Variants in KCNV1 observed in about 807,000 individuals in gnomAD.
KCNV1 encodes potassium voltage-gated channel modifier subfamily V member 1.
A neutral mutation model predicts 36.4 loss-of-function variants in KCNV1; 2 were observed. The ratio of observed to expected loss-of-function variants is 0.05; its 90% CI spans 0.02 to 0.17. The LOEUF is 0.17. Among genes scored for constraint, KCNV1 ranks in the 10% least tolerant of loss-of-function variants. The probability of loss-of-function intolerance (pLI) is 1.00; values close to 1 mark genes in which losing one functional copy is unlikely to be tolerated. For synonymous variants in KCNV1, 280 were observed against 261.1 expected, an observed-to-expected ratio of 1.07 and a Z score of -0.70; for missense variants, 321 against 643.6, an observed-to-expected ratio of 0.50 and a Z score of 5.42.
At chr8:109,973,689 G>A (rs1340775371) in intron 2 of KCNV1, among the ~76,000 whole-genome samples, 3 of 152,106 alleles carry the variant, frequency 2.0e-5, no homozygotes, top group African/African-American at 7.2e-5. Context: ...TGCCTTATAC[G>A]TTAAATTAGC....
chr8:109,970,366 T>C (rs929156293), intron 3 of KCNV1, among the ~76,000 whole-genome samples: 4 of 152,226 alleles, frequency 2.6e-5, no homozygotes, highest in African/African-American at 9.6e-5. Context: ...AAAACAATTT[T>C]GTAAAGGAAA....
rs1240877969 is a variant in KCNV1 at position 109,965,315 on chromosome 8, T to C, written c.*2773A>G. On this transcript the variant is annotated 3_prime_UTR_variant, in exon 4 of 4. Coordinates refer to ENST00000524391, the MANE Select transcript of KCNV1 (RefSeq NM_014379.4). ...TTTTAAAAAATTAAATATTGTTTTA[T>C]AACAATAATTCTTAGATGTTTAAAA... 1 of 152,222 alleles carries C rather than the reference T, an allele frequency of 6.6e-6. No individual in the cohort carries two copies. Among genetic ancestry groups the C allele is most frequent in the Non-Finnish European group, 1.5e-5 (1 of 68,040 alleles). The allele number at this position is 152,222 out of a possible 1,614,324, so 9.4% of individuals were successfully genotyped here. A position where few individuals can be genotyped will look rare whatever the true frequency, so the allele number is the denominator to read the frequency against.
rs1219247797 is a variant in KCNV1, at chr8:109,964,226, C to T, written c.*3862G>A. On this transcript the variant is annotated 3_prime_UTR_variant, in exon 4 of 4. Transcript: ENST00000524391. Reference sequence around the variant, plus strand: ...TTTTCAAAAGAAAACATACATGCAGCCAACAATGATATGAAAAAAAGCCTC... The same window carrying T: ...TTTTCAAAAGAAAACATACATGCAGTCAACAATGATATGAAAAAAAGCCTC... The T allele has an allele frequency of 6.6e-6, 1 of 151,760 alleles. No homozygotes were observed. The highest frequency in any genetic ancestry group is 2.4e-5 in the African/African-American group (1 of 41,284). 9.4% of individuals were successfully genotyped at this position (151,760 alleles called of 1,614,324 possible).
rs951148665 is a variant in KCNV1, at chr8:109,966,013, A to G, written c.*2075T>C. 6.6e-6 allele frequency: 1 copy of G among 152,204 alleles called. No individual in the cohort carries two copies. Among genetic ancestry groups the G allele is most frequent in the South Asian group, 2.1e-4 (1 of 4,830 alleles). The allele number at this position is 152,204 out of a possible 1,614,324, so 9.4% of individuals were successfully genotyped here. On this transcript the variant is annotated 3_prime_UTR_variant, in exon 4 of 4. Transcript: ENST00000524391. ...TTTGAACAGAATATTAACTACAAGAAAACAGGACCTAGTCTTGTTTAAGAA... is the reference window on the plus strand; with the variant it reads ...TTTGAACAGAATATTAACTACAAGAGAACAGGACCTAGTCTTGTTTAAGAA...
intron 2 of KCNV1, 81 bp downstream of exon 2, chr8:109,973,847 A>C: frequency 8.6e-6 from 10 of 1,157,992 alleles, no homozygotes; most frequent in Non-Finnish European, 1.2e-5. Flanking sequence ...GCTTGTGTAA[A>C]GCCTCAAATC....
intron 3 of KCNV1, among the ~76,000 whole-genome samples, chr8:109,971,694 G>T (rs1209069637): frequency 6.6e-6 from 1 of 151,422 alleles, no homozygotes; most frequent in Non-Finnish European, 1.5e-5. Context: ...AGTTTATTTT[G>T]CTTTCTCCCA....
chr8:109,971,871 G>A (rs140409032), intron 3 of KCNV1, among the ~76,000 whole-genome samples: 133 of 152,230 alleles, frequency 8.7e-4, no homozygotes, highest in African/African-American at 3.1e-3. Flanking sequence ...ATTGGCTTAT[G>A]TCCCTATATA....
At position 109,972,559 on chromosome 8, in the gene KCNV1, C is replaced by T; in HGVS notation, c.690G>A (p.Met230Ile). ...GGTCCAGCCAGCTTAACTCAGCTGA[C>T]ATCAGGGCCATGTTAATGATGGACA... is the stretch of plus-strand genomic sequence containing the variant. Reference protein sequence around the residue: ...VVVSIINMALMSAELSWLDLQ... With the variant: ...VVVSIINMALISAELSWLDLQ... The change falls in exon 3 of 4, where the codon ATG becomes ATA. Residue 230 changes from methionine to isoleucine, a missense_variant. Physicochemically the swap from Met to Ile is conservative, Grantham distance 10. Transcript: ENST00000524391. The surrounding 1 kb of genome is among the most constrained non-coding windows in gnomAD (Gnocchi z 5.2). The T allele has an allele frequency of 6.2e-7, 1 of 1,614,156 alleles. No individual in the cohort carries two copies. The highest frequency in any genetic ancestry group is 8.5e-7 in the Non-Finnish European group (1 of 1,180,042).
chr8:109,972,773 T>C lies in KCNV1; in HGVS notation c.476A>G (p.Lys159Arg). The change falls in exon 3 of 4, where the codon AAA becomes AGA. Residue 159 changes from lysine to arginine, a missense_variant. By Grantham distance (26) the Lys-to-Arg change is conservative. Coordinates refer to ENST00000524391, the MANE Select transcript of KCNV1 (RefSeq NM_014379.4). The surrounding 1 kb of genome is among the most constrained non-coding windows in gnomAD (Gnocchi z 5.2). ...SCCRDRYFRR[K>R]ELSETLDFKK... is the part of the protein sequence containing the mutation. Reference sequence around the variant, plus strand: ...GAAGTCTAAAGTTTCACTCAGCTCTTTCCTTCTGAAGTATCTTTTAGAGAA... The same window carrying C: ...GAAGTCTAAAGTTTCACTCAGCTCTCTCCTTCTGAAGTATCTTTTAGAGAA... The C allele has an allele frequency of 6.2e-7, 1 of 1,605,460 alleles. No homozygotes were observed. Among genetic ancestry groups the C allele is most frequent in the Non-Finnish European group, 8.5e-7 (1 of 1,176,996 alleles).
At position 109,965,405 on chromosome 8, in the gene KCNV1, C is replaced by A. The variant is rs1819933363; in HGVS notation, c.*2683G>T. On this transcript the variant is annotated 3_prime_UTR_variant, in exon 4 of 4. Transcript: ENST00000524391. ...AGAGTTCCTGCCTTGATTTTTTTACCTAAATGAAATTTGGTTTGCTTATAT... is the reference window on the plus strand; with the variant it reads ...AGAGTTCCTGCCTTGATTTTTTTACATAAATGAAATTTGGTTTGCTTATAT... The A allele has an allele frequency of 6.6e-6, 1 of 151,572 alleles. No individual in the cohort carries two copies. Among genetic ancestry groups the A allele is most frequent in the Non-Finnish European group, 1.5e-5 (1 of 67,906 alleles). 9.4% of individuals were successfully genotyped at this position (151,572 alleles called of 1,614,324 possible). A position where few individuals can be genotyped will look rare whatever the true frequency, so the allele number is the denominator to read the frequency against.
chr8:109,971,177 CAT>C (rs1363486854), intron 3 of KCNV1, among the ~76,000 whole-genome samples: 1 of 152,130 alleles, frequency 6.6e-6, no homozygotes, highest in Non-Finnish European at 1.5e-5. Context: ...TTTGTATCAA[CAT>C]ATATAAAATT....
chr8:109,965,332 T>A lies in KCNV1; in HGVS notation c.*2756A>T, dbSNP rs1240629851. 1 of 152,228 alleles carries A rather than the reference T, an allele frequency of 6.6e-6. No homozygotes were observed. The highest frequency in any genetic ancestry group is 1.9e-4 in the East Asian group (1 of 5,198). 9.4% of individuals were successfully genotyped at this position (152,228 alleles called of 1,614,324 possible). ...TTGTTTTATAACAATAATTCTTAGA[T>A]GTTTAAAAAGTGTTTACTGTTTTAA... On this transcript the variant is annotated 3_prime_UTR_variant, in exon 4 of 4. Transcript: ENST00000524391.
intron 3 of KCNV1, among the ~76,000 whole-genome samples, chr8:109,969,248 T>C (rs1819980974): frequency 6.6e-6 from 1 of 152,138 alleles, no homozygotes. Flanking sequence ...TTCTCAGCAG[T>C]ATGTCAGGAG....
In KCNV1 at chr8:109,968,688, C is replaced by T. The variant is rs896582189; in HGVS notation, c.992-89G>A. On this transcript the variant is annotated intron_variant, in intron 3 of 3. Transcript: ENST00000524391. The surrounding 1 kb of genome is among the most constrained non-coding windows in gnomAD (Gnocchi z 5.3). ...CCCCTCTCCCTCCTTGCTCTGCCACCCACAAACTGCACTGCACACTTAAAT... is the reference window on the plus strand; with the variant it reads ...CCCCTCTCCCTCCTTGCTCTGCCACTCACAAACTGCACTGCACACTTAAAT... 9.8e-6 allele frequency: 13 copies of T among 1,327,144 alleles called. No individual in the cohort carries two copies. The Admixed American group carries it at 1.1e-4, about 11-fold the overall frequency. 82.2% of individuals were successfully genotyped at this position (1,327,144 alleles called of 1,614,324 possible).
chr8:109,965,780 A>G lies in KCNV1; in HGVS notation c.*2308T>C, dbSNP rs1027066237. The G allele has an allele frequency of 6.6e-6, 1 of 152,216 alleles. No individual in the cohort carries two copies. Among genetic ancestry groups the G allele is most frequent in the African/African-American group, 2.4e-5 (1 of 41,452 alleles). 9.4% of individuals were successfully genotyped at this position (152,216 alleles called of 1,614,324 possible). A position where few individuals can be genotyped will look rare whatever the true frequency, so the allele number is the denominator to read the frequency against. ...AGGCATATTGAACTTCTCCATGCACAAGAAGTTGGCTTGCCTGCCTAAAAA... is the reference window on the plus strand; with the variant it reads ...AGGCATATTGAACTTCTCCATGCACGAGAAGTTGGCTTGCCTGCCTAAAAA... On this transcript the variant is annotated 3_prime_UTR_variant, in exon 4 of 4. Transcript: ENST00000524391.
Position 109,972,286 on chromosome 8 carries a change from G to A in KCNV1, c.963C>T (p.Arg321=), listed in dbSNP as rs1312048642. The change falls in exon 3 of 4, where the codon CGC becomes CGT. Residue 321 remains arginine (R), a synonymous_variant. Transcript: ENST00000524391. This position sits in a 1 kb window ranked among gnomAD's most constrained non-coding sequence, Gnocchi z 5.2. ...VQVLRLLRAL[R]MLKLGRHSTG... ...TGGAATGTCTGCCCAGCTTTAGCATGCGCAGAGCCCTGAGCAGCCTCAACA... is the reference window on the plus strand; with the variant it reads ...TGGAATGTCTGCCCAGCTTTAGCATACGCAGAGCCCTGAGCAGCCTCAACA... 1.2e-6 allele frequency: 2 copies of A among 1,608,976 alleles called. No homozygotes were observed. Among genetic ancestry groups the A allele is most frequent in the Non-Finnish European group, 8.5e-7 (1 of 1,177,740 alleles).
In KCNV1 at chr8:109,967,675, A is replaced by G. The variant is rs1009183920; in HGVS notation, c.*413T>C. The G allele has an allele frequency of 2.4e-5, 4 of 163,874 alleles. No homozygotes were observed. Among genetic ancestry groups the G allele is most frequent in the African/African-American group, 4.8e-5 (2 of 41,588 alleles). 10.2% of individuals were successfully genotyped at this position (163,874 alleles called of 1,614,324 possible). A position where few individuals can be genotyped will look rare whatever the true frequency, so the allele number is the denominator to read the frequency against. On this transcript the variant is annotated 3_prime_UTR_variant, in exon 4 of 4. Coordinates refer to ENST00000524391, the MANE Select transcript of KCNV1 (RefSeq NM_014379.4). ...TATCTTTAAATAGCAAAGTTGTTCAATATGTTCTTAAATATTTACTTATCT... is the reference window on the plus strand; with the variant it reads ...TATCTTTAAATAGCAAAGTTGTTCAGTATGTTCTTAAATATTTACTTATCT...
At position 109,975,748 on chromosome 8, in the gene KCNV1, G is replaced by C. The variant is rs1319762602; in HGVS notation, c.-934C>G. 2 of 152,990 alleles carry C rather than the reference G, an allele frequency of 1.3e-5. No individual in the cohort carries two copies. Among genetic ancestry groups the C allele is most frequent in the Non-Finnish European group, 2.9e-5 (2 of 68,612 alleles). 9.5% of individuals were successfully genotyped at this position (152,990 alleles called of 1,614,324 possible). ...AGGAGGGAAACTGTGTTCCAGCTGA[G>C]CTCTACCCAGCGCCTGCTGCCTTGC... On this transcript the variant is annotated 5_prime_UTR_variant, in exon 1 of 4. Coordinates refer to ENST00000524391, the MANE Select transcript of KCNV1 (RefSeq NM_014379.4).
chr8:109,974,059 G>A lies in KCNV1; in HGVS notation c.330C>T (p.Phe110=). The part of the protein sequence containing the change: ...EYFFDRSSQA[F]RYVLHYYRTG... ...TGCGGTAGTAGTGCAGGACATATCG[G>A]AACGCCTGCGAGCTGCGGTCGAAGA... Residue 110 remains phenylalanine, a synonymous_variant, in exon 2 of 4, where the codon TTC becomes TTT. Coordinates refer to ENST00000524391, the MANE Select transcript of KCNV1 (RefSeq NM_014379.4). This position sits in a 1 kb window ranked among gnomAD's most constrained non-coding sequence, Gnocchi z 6.2. The A allele has an allele frequency of 6.2e-7, 1 of 1,613,424 alleles. No homozygotes were observed. The highest frequency in any genetic ancestry group is 8.5e-7 in the Non-Finnish European group (1 of 1,179,926).
Sources: gnomAD v4.1 joint callset for allele counts (sites outside exome capture counted in the v4.1 genomes callset) on GRCh38, gnomAD v4.1.1 for gene constraint, Gnocchi (gnomAD v3.1) non-coding constraint, MANE v1.5 for transcripts, NCBI Gene and HGNC (gene_info 2026-07-23, HGNC 2026-07-21) for gene names.